Variants in LRBA observed in about 807,000 individuals in gnomAD.
The protein encoded by LRBA is LPS responsive beige-like anchor protein.
LRBA carries 176 observed loss-of-function variants against 330.0 expected under a neutral mutation model. That is an observed-to-expected ratio of 0.53 (90% CI 0.47 to 0.60). The LOEUF (loss-of-function observed/expected upper bound fraction) is 0.60, where lower values mean the gene tolerates loss of function less well. Ranked by LOEUF, LRBA falls within the 20% of genes least tolerant of loss-of-function variation. The pLI, the probability that LRBA is intolerant of heterozygous loss-of-function variation, is 0.00. For synonymous variants in LRBA, 1,230 were observed against 1,193.0 expected (o/e 1.03, Z -0.64); for missense variants, 3,259 against 3,444.8 (o/e 0.95, Z 1.35).
intron 47 of LRBA, among the ~76,000 whole-genome samples, chr4:150,371,824 T>C (rs1740375078): frequency 6.6e-6 from 1 of 152,204 alleles, no homozygotes; most frequent in Admixed American, 6.5e-5. Context: ...TCTATATTCC[T>C]ATCCTAAAAA....
intron 34 of LRBA, among the ~76,000 whole-genome samples, chr4:150,762,533 AT>A (rs1735233575): frequency 6.6e-6 from 1 of 151,838 alleles, no homozygotes; most frequent in African/African-American, 2.4e-5. Context: ...AAAACAAAAA[AT>A]ATATATAATA....
chr4:150,491,664 T>C (rs995483357), intron 40 of LRBA, among the ~76,000 whole-genome samples: 18 of 152,090 alleles, frequency 1.2e-4, no homozygotes, highest in Admixed American at 1.2e-3. Context: ...ATGGGGTAGG[T>C]GGTTGTCAGA....
At chr4:150,395,630 G>C (rs1017912828) in intron 47 of LRBA, among the ~76,000 whole-genome samples, 3 of 152,074 alleles carry the variant, frequency 2.0e-5, no homozygotes, top group African/African-American at 7.2e-5. Flanking sequence ...GTCTGTAAGA[G>C]AAAGTACCAA....
At chr4:150,470,302 C>A (rs1755937683) in intron 43 of LRBA, among the ~76,000 whole-genome samples, 1 of 152,206 alleles carries the variant, frequency 6.6e-6, no homozygotes, top group Non-Finnish European at 1.5e-5. Flanking sequence ...GCCTTCCTCC[C>A]TCTTTCACCT....
chr4:150,591,769 G>C lies in LRBA; in HGVS notation c.6047-910C>G, dbSNP rs144022749. 1.9e-3 allele frequency among the ~76,000 whole-genome samples: 292 copies of C among 152,156 alleles called. 2 individuals are homozygous for C. Among genetic ancestry groups the C allele is most frequent in the Admixed American group, 3.4e-3 (52 of 15,280 alleles). ...GATGGAGGAAAAGAGAACACATCTA[G>C]GGAGGGAAGAAGCAGCCCTGCAGAG... On this transcript the variant is annotated intron_variant, in intron 38 of 56. Coordinates refer to ENST00000651943, the MANE Select transcript of LRBA (RefSeq NM_001364905.1).
rs571653728 is a variant in LRBA, at chr4:150,640,641, C to G, written c.5922-41510G>C. Reference sequence around the variant, plus strand: ...ACATTATGCTACCTCCTAAATATATCTCCTGCTCACCATAATTTCTGGCAC... The same window carrying G: ...ACATTATGCTACCTCCTAAATATATGTCCTGCTCACCATAATTTCTGGCAC... On this transcript the variant is annotated intron_variant, in intron 37 of 56. Coordinates refer to ENST00000651943, the MANE Select transcript of LRBA (RefSeq NM_001364905.1). 3.9e-5 allele frequency among the ~76,000 whole-genome samples: 6 copies of G among 152,248 alleles called. No individual in the cohort carries two copies. In the South Asian group the frequency reaches 1.0e-3, roughly 26 times the overall value.
At chr4:150,422,283 C>T (rs959809893) in intron 46 of LRBA, among the ~76,000 whole-genome samples, 94 of 152,164 alleles carry the variant, frequency 6.2e-4, no homozygotes, top group East Asian at 1.2e-3. Flanking sequence ...CAAAAAACCC[C>T]CCATCATCTG....
intron 46 of LRBA, among the ~76,000 whole-genome samples, chr4:150,426,982 T>A (rs1056473814): frequency 2.6e-5 from 4 of 151,666 alleles, no homozygotes; most frequent in Non-Finnish European, 5.9e-5. Context: ...TATCTCCAAA[T>A]AAATTATAAT....
At chr4:150,991,311 T>C (rs1742057516) in intron 2 of LRBA, among the ~76,000 whole-genome samples, 1 of 152,156 alleles carries the variant, frequency 6.6e-6, no homozygotes, top group Non-Finnish European at 1.5e-5. Flanking sequence ...CTTATGAAGT[T>C]AAACATACAT....
intron 37 of LRBA, 89 bp downstream of exon 37, chr4:150,683,462 A>G: frequency 1.0e-6 from 1 of 997,788 alleles, no homozygotes; most frequent in South Asian, 1.6e-5. Flanking sequence ...TCTCTTCTTC[A>G]TCTGGCTTTG....
chr4:150,706,770 G>A (rs1785666994), intron 36 of LRBA, among the ~76,000 whole-genome samples: 3 of 151,488 alleles, frequency 2.0e-5, no homozygotes, highest in African/African-American at 4.8e-5. Flanking sequence ...CACAATCAAT[G>A]GAACAGCTGC....
chr4:150,505,417 T>C (rs1355736086), intron 40 of LRBA, among the ~76,000 whole-genome samples: 2 of 152,094 alleles, frequency 1.3e-5, no homozygotes, highest in African/African-American at 4.8e-5. Context: ...GAACTCAGGA[T>C]TAAGAAACTC....
intron 35 of LRBA, among the ~76,000 whole-genome samples, chr4:150,755,884 A>G (rs1358511058): frequency 6.6e-6 from 1 of 151,862 alleles, no homozygotes; most frequent in Non-Finnish European, 1.5e-5. Context: ...CAAGAAAAAA[A>G]AAAAAATTAA....
chr4:150,781,638 T>C (rs959878205), intron 34 of LRBA, among the ~76,000 whole-genome samples: 5 of 152,240 alleles, frequency 3.3e-5, no homozygotes, highest in African/African-American at 7.2e-5. Context: ...GATGAAATAC[T>C]TGATAACTTG....
chr4:150,493,457 C>T (rs1759203193), intron 40 of LRBA, among the ~76,000 whole-genome samples: 1 of 152,194 alleles, frequency 6.6e-6, no homozygotes, highest in Admixed American at 6.5e-5. Flanking sequence ...CAATGTATGG[C>T]AACCTTCAGT....
chr4:150,757,698 G>C (rs1463303439), intron 35 of LRBA, among the ~76,000 whole-genome samples: 1 of 152,036 alleles, frequency 6.6e-6, no homozygotes, highest in African/African-American at 2.4e-5. Context: ...ATTTATAAAA[G>C]GAAAGCCAAA....
chr4:150,582,946 C>A, intron 40 of LRBA: 1 of 1,490,166 alleles, frequency 6.7e-7, no homozygotes, highest in Admixed American at 2.3e-5. Flanking sequence ...TTTCGAAAGC[C>A]GCTGGGCCAC....
chr4:150,649,432 C>T (rs535960891), intron 37 of LRBA, among the ~76,000 whole-genome samples: 5 of 152,274 alleles, frequency 3.3e-5, no homozygotes, highest in South Asian at 2.1e-4. Flanking sequence ...CTGCTTTCTA[C>T]GCTTTCACTT....
intron 2 of LRBA, among the ~76,000 whole-genome samples, chr4:150,962,422 G>A (rs190813845): frequency 2.0e-5 from 3 of 149,418 alleles, no homozygotes; most frequent in Admixed American, 6.6e-5. Context: ...GGCAGCTGAG[G>A]TGGAAGGATC....
Sources: gnomAD v4.1 joint callset for allele counts (sites outside exome capture counted in the v4.1 genomes callset) on GRCh38, gnomAD v4.1.1 for gene constraint, MANE v1.5 for transcripts, NCBI Gene and HGNC (gene_info 2026-07-23, HGNC 2026-07-21) for gene names.